The following CNTN5 variants were observed in gnomAD, a reference collection of about 807,000 sequenced individuals.
The protein encoded by CNTN5 is contactin-5.
In CNTN5, 77 loss-of-function variants were observed where a neutral mutation model predicts 129.1. That is an observed-to-expected ratio of 0.60 (90% CI 0.50 to 0.72). The LOEUF (loss-of-function observed/expected upper bound fraction) is 0.72. Among genes scored for constraint, CNTN5 ranks in the 30% least tolerant of loss-of-function variants. CNTN5 has a pLI of 0.00. For missense variants in CNTN5, 1,478 were observed against 1,328.8 expected (o/e 1.11, Z -1.75); for synonymous variants, 509 against 465.6 (o/e 1.09, Z -1.20).
intron 1 of CNTN5, among the ~76,000 whole-genome samples, chr11:99,128,644 G>T (rs1288565413): frequency 1.3e-5 from 2 of 152,130 alleles, no homozygotes; most frequent in African/African-American, 4.8e-5. Flanking sequence ...CCTTAAGTGG[G>T]TCCCTCATCC....
At chr11:99,442,009 T>G (rs928471595) in intron 2 of CNTN5, among the ~76,000 whole-genome samples, 1 of 152,092 alleles carries the variant, frequency 6.6e-6, no homozygotes, top group Non-Finnish European at 1.5e-5. Context: ...AAATCCTGAG[T>G]TGTAATCTCC....
chr11:100,223,515 T>C (rs572256013), intron 15 of CNTN5, among the ~76,000 whole-genome samples: 4 of 152,298 alleles, frequency 2.6e-5, no homozygotes, highest in African/African-American at 9.6e-5. Flanking sequence ...ATAAAACCCA[T>C]TGGTCTATCT....
intron 2 of CNTN5, among the ~76,000 whole-genome samples, chr11:99,449,807 A>G (rs898648942): frequency 4.6e-4 from 70 of 152,306 alleles, no homozygotes; most frequent in African/African-American, 1.6e-3. Flanking sequence ...TAAAACCTCT[A>G]TTGGTCTACT....
chr11:100,231,293 A>G (rs1358669086), intron 16 of CNTN5, among the ~76,000 whole-genome samples: 1 of 152,240 alleles, frequency 6.6e-6, no homozygotes, highest in Non-Finnish European at 1.5e-5. Context: ...TGGCTTGCTA[A>G]TAAAGCAGAT....
chr11:99,844,537 T>C, intron 4 of CNTN5: 1 of 364,170 alleles, frequency 2.7e-6, no homozygotes, highest in Non-Finnish European at 5.1e-6. Context: ...ATATTGTTTA[T>C]GCTTAATATT....
At chr11:99,237,452 G>C (rs1263541005) in intron 1 of CNTN5, among the ~76,000 whole-genome samples, 1 of 152,158 alleles carries the variant, frequency 6.6e-6, no homozygotes, top group Non-Finnish European at 1.5e-5. Context: ...GGAAGCCGAG[G>C]TGGGCGCATC....
chr11:99,580,351 A>C (rs1339448432), intron 3 of CNTN5, among the ~76,000 whole-genome samples: 1 of 152,270 alleles, frequency 6.6e-6, no homozygotes, highest in East Asian at 1.9e-4. Flanking sequence ...TCATAAAATG[A>C]GTTAGGGAGG....
intron 15 of CNTN5, among the ~76,000 whole-genome samples, chr11:100,220,108 T>G (rs1245400618): frequency 6.6e-6 from 1 of 151,568 alleles, no homozygotes; most frequent in Non-Finnish European, 1.5e-5. Context: ...AATCCCTGTC[T>G]CTACTAAAAA....
At chr11:100,034,563 G>C (rs138028100) in intron 9 of CNTN5, among the ~76,000 whole-genome samples, 1 of 152,264 alleles carries the variant, frequency 6.6e-6, no homozygotes, top group Middle Eastern at 3.4e-3. Flanking sequence ...TGCATACAGA[G>C]TGTCCTAAAC....
chr11:99,772,589 A>G (rs1322518314), intron 3 of CNTN5, among the ~76,000 whole-genome samples: 1 of 152,096 alleles, frequency 6.6e-6, no homozygotes. Flanking sequence ...CTTGTCTAAT[A>G]AAGGACAACT....
intron 3 of CNTN5, among the ~76,000 whole-genome samples, chr11:99,651,242 A>C (rs1591424461): frequency 6.6e-6 from 1 of 152,110 alleles, no homozygotes; most frequent in Admixed American, 6.6e-5. Flanking sequence ...AACAATCATC[A>C]AAAATTTAGT....
chr11:99,616,898 G>A (rs1035579506), intron 3 of CNTN5, among the ~76,000 whole-genome samples: 15 of 152,318 alleles, frequency 9.8e-5, no homozygotes, highest in African/African-American at 3.6e-4. Context: ...ATGACCTGAG[G>A]TCAGGAGTTC....
chr11:100,022,798 A>G (rs945886235), intron 9 of CNTN5, among the ~76,000 whole-genome samples: 1 of 152,182 alleles, frequency 6.6e-6, no homozygotes, highest in African/African-American at 2.4e-5. Context: ...TGATTAAAGA[A>G]TTACAGACCA....
At chr11:100,264,499 G>A (rs905774213) in intron 17 of CNTN5, among the ~76,000 whole-genome samples, 9 of 152,118 alleles carry the variant, frequency 5.9e-5, no homozygotes, top group African/African-American at 2.2e-4. Context: ...TTCTGTTCCT[G>A]TGTTAGTTTG....
intron 3 of CNTN5, among the ~76,000 whole-genome samples, chr11:99,749,230 T>A (rs1944155903): frequency 6.6e-6 from 1 of 152,122 alleles, no homozygotes; most frequent in East Asian, 1.9e-4. Context: ...CCAAGCATTT[T>A]GGGAACAGGG....
intron 3 of CNTN5, among the ~76,000 whole-genome samples, chr11:99,751,744 A>G (rs373576716): frequency 2.0e-5 from 3 of 152,220 alleles, no homozygotes; most frequent in Non-Finnish European, 4.4e-5. Flanking sequence ...GTCATAGGCT[A>G]TAGTTTGAAT....
intron 3 of CNTN5, among the ~76,000 whole-genome samples, chr11:99,814,983 C>T (rs574382326): frequency 2.6e-5 from 4 of 152,178 alleles, no homozygotes; most frequent in East Asian, 3.9e-4. Flanking sequence ...TTGACAAACA[C>T]TTATAAAACC....
rs1942848207 is a variant in CNTN5, at chr11:99,420,675, T to G, written c.-71+95191T>G. On this transcript the variant is annotated intron_variant, in intron 2 of 24. Coordinates refer to ENST00000524871, the MANE Select transcript of CNTN5 (RefSeq NM_014361.4). ...AGATTACGATGAAAAAGTACCTTGT[T>G]GAATGCCTGATAAATTGAAAGCAGT... Among the ~76,000 whole-genome samples, 3 of 152,156 alleles carry G rather than the reference T, an allele frequency of 2.0e-5. No individual in the cohort carries two copies. In the South Asian group the frequency reaches 6.2e-4, roughly 32 times the overall value.
chr11:99,388,707 T>G, intron 2 of CNTN5, among the ~76,000 whole-genome samples: 1 of 152,180 alleles, frequency 6.6e-6, no homozygotes, highest in Non-Finnish European at 1.5e-5. Flanking sequence ...TTTTTACACC[T>G]GCTACTATAC....
Sources: gnomAD v4.1 joint callset for allele counts (sites outside exome capture counted in the v4.1 genomes callset) on GRCh38, gnomAD v4.1.1 for gene constraint, MANE v1.5 for transcripts, NCBI Gene and HGNC (gene_info 2026-07-23, HGNC 2026-07-21) for gene names.